The following KCNQ3 variants were observed in gnomAD, a reference collection of about 807,000 sequenced individuals.
KCNQ3 encodes the protein potassium voltage-gated channel subfamily KQT member 3.
KCNQ3 carries 30 observed loss-of-function variants against 92.5 expected under a neutral mutation model. The ratio of observed to expected loss-of-function variants is 0.32; its 90% CI spans 0.24 to 0.44. KCNQ3 has a LOEUF of 0.44. KCNQ3 is among the 20% of genes least tolerant of loss of function. The pLI, the probability that KCNQ3 is intolerant of heterozygous loss-of-function variation, is 1.00. For synonymous variants in KCNQ3, 450 were observed against 468.8 expected (o/e 0.96, Z 0.52); for missense variants, 913 against 1,140.3 (o/e 0.80, Z 2.87).
intron 3 of KCNQ3, among the ~76,000 whole-genome samples, chr8:132,182,927 G>T (rs146449000): frequency 2.0e-5 from 3 of 150,132 alleles, no homozygotes; most frequent in Non-Finnish European, 4.4e-5. Flanking sequence ...CATACCTTCC[G>T]TACATTCAAA....
rs566993540 is a variant in KCNQ3 at position 132,197,738 on chromosome 8, G to A, written c.387-11557C>T. 5.3e-5 allele frequency among the ~76,000 whole-genome samples: 8 copies of A among 152,242 alleles called. No homozygotes were observed. The South Asian group carries it at 1.4e-3, about 28-fold the overall frequency. ...AGGCATGCTACGGACTGAAGTATTT[G>A]CCTTCTCTTGTGGACTGAGGTCTCA... On this transcript the variant is annotated intron_variant, in intron 1 of 14. Transcript: ENST00000388996.
chr8:132,435,096 A>G (rs1821358049), intron 1 of KCNQ3, among the ~76,000 whole-genome samples: 1 of 152,216 alleles, frequency 6.6e-6, no homozygotes, highest in Admixed American at 6.5e-5. Flanking sequence ...GAACCAGCAC[A>G]GGCCTGGGTG....
At chr8:132,222,757 C>T (rs1231310543) in intron 1 of KCNQ3, among the ~76,000 whole-genome samples, 1 of 152,202 alleles carries the variant, frequency 6.6e-6, no homozygotes, top group Non-Finnish European at 1.5e-5. Context: ...CAGTCAGTTT[C>T]ATAGCGTGGG....
intron 1 of KCNQ3, among the ~76,000 whole-genome samples, chr8:132,359,079 C>T (rs752051959): frequency 6.6e-6 from 1 of 152,208 alleles, no homozygotes; most frequent in African/African-American, 2.4e-5. Context: ...CTTGACCTCT[C>T]CATATCCTCA....
intron 1 of KCNQ3, among the ~76,000 whole-genome samples, chr8:132,276,247 C>T (rs1016418873): frequency 2.6e-5 from 4 of 152,184 alleles, no homozygotes; most frequent in South Asian, 4.1e-4. Flanking sequence ...TGACACTTTA[C>T]GTGGTTTATC....
intron 1 of KCNQ3, among the ~76,000 whole-genome samples, chr8:132,422,528 G>T (rs1306965880): frequency 6.6e-6 from 1 of 152,036 alleles, no homozygotes; most frequent in Admixed American, 6.5e-5. Context: ...AGCTCCTCTG[G>T]CCTTCCTTTA....
At chr8:132,130,405 C>T (rs915463595) in intron 14 of KCNQ3, among the ~76,000 whole-genome samples, 5 of 152,170 alleles carry the variant, frequency 3.3e-5, no homozygotes, top group African/African-American at 1.2e-4. Context: ...ACTGTATTTA[C>T]TTTTCAGAAG....
chr8:132,325,031 G>A (rs1818002605), intron 1 of KCNQ3, among the ~76,000 whole-genome samples: 1 of 149,570 alleles, frequency 6.7e-6, no homozygotes. Flanking sequence ...AGGGCAGCTT[G>A]TTCCCTGGCC....
chr8:132,476,865 C>T (rs893587653), intron 1 of KCNQ3, among the ~76,000 whole-genome samples: 6 of 152,112 alleles, frequency 3.9e-5, no homozygotes, highest in African/African-American at 1.2e-4. Context: ...GATATGTTTT[C>T]GCTCTGTGTC....
At chr8:132,299,195 AG>A (rs1251407609) in intron 1 of KCNQ3, among the ~76,000 whole-genome samples, 16 of 151,016 alleles carry the variant, frequency 1.1e-4, no homozygotes. Flanking sequence ...GTACATGAGA[AG>A]ATATTTTGAT....
chr8:132,438,229 T>C (rs766523163), intron 1 of KCNQ3, among the ~76,000 whole-genome samples: 5 of 152,242 alleles, frequency 3.3e-5, no homozygotes, highest in Admixed American at 1.3e-4. Context: ...TTCAAGTCTG[T>C]ATTATATAAG....
chr8:132,213,207 A>G (rs933981679), intron 1 of KCNQ3, among the ~76,000 whole-genome samples: 1 of 152,110 alleles, frequency 6.6e-6, no homozygotes, highest in Non-Finnish European at 1.5e-5. Context: ...CAGCCACTGC[A>G]ATTATTTTGG....
At chr8:132,140,290 CTT>C (rs1825245502) in intron 10 of KCNQ3, 112 bp from the exon 11 acceptor site, 4 of 707,008 alleles carry the variant, frequency 5.7e-6, no homozygotes, top group Non-Finnish European at 9.9e-6. Context: ...TCCCCAGAGT[CTT>C]TATTTCCACG....
At chr8:132,260,237 GATA>G (rs1815735086) in intron 1 of KCNQ3, among the ~76,000 whole-genome samples, 1 of 152,134 alleles carries the variant, frequency 6.6e-6, no homozygotes, top group African/African-American at 2.4e-5. Flanking sequence ...GAAAATTCAT[GATA>G]ATGTTTTCTG....
intron 1 of KCNQ3, among the ~76,000 whole-genome samples, chr8:132,343,580 C>G (rs1010238479): frequency 6.6e-6 from 1 of 152,174 alleles, no homozygotes; most frequent in Non-Finnish European, 1.5e-5. Flanking sequence ...CAAAGGCCAT[C>G]TGGGCTGAGG....
intron 1 of KCNQ3, among the ~76,000 whole-genome samples, chr8:132,468,211 C>T (rs1283519171): frequency 6.6e-6 from 1 of 152,162 alleles, no homozygotes; most frequent in Non-Finnish European, 1.5e-5. Flanking sequence ...CATGAGACAG[C>T]TGATATGGAG....
At chr8:132,431,695 GC>G (rs1351681180) in intron 1 of KCNQ3, among the ~76,000 whole-genome samples, 1 of 152,198 alleles carries the variant, frequency 6.6e-6, no homozygotes, top group African/African-American at 2.4e-5. Flanking sequence ...AATAAACAGT[GC>G]TTTCAGGGTG....
chr8:132,245,769 T>C (rs1815152769), intron 1 of KCNQ3, among the ~76,000 whole-genome samples: 1 of 152,194 alleles, frequency 6.6e-6, no homozygotes, highest in Non-Finnish European at 1.5e-5. Flanking sequence ...CTTGTCACAA[T>C]TTATTTAGCT....
At chr8:132,269,930 G>A (rs1267957544) in intron 1 of KCNQ3, among the ~76,000 whole-genome samples, 1 of 152,152 alleles carries the variant, frequency 6.6e-6, no homozygotes, top group Non-Finnish European at 1.5e-5. Context: ...GGTGGGGGTA[G>A]GGCAAAAGGA....
Sources: gnomAD v4.1 joint callset for allele counts (sites outside exome capture counted in the v4.1 genomes callset) on GRCh38, gnomAD v4.1.1 for gene constraint, MANE v1.5 for transcripts, NCBI Gene and HGNC (gene_info 2026-07-23, HGNC 2026-07-21) for gene names.